Variants in NRG1 observed in about 807,000 individuals in gnomAD.
NRG1 encodes the protein neuregulin 1, also known as pro-neuregulin-1, membrane-bound isoform.
A neutral mutation model predicts 63.8 loss-of-function variants in NRG1; 18 were observed. The ratio of observed to expected loss-of-function variants is 0.28; its 90% CI spans 0.19 to 0.42. The LOEUF (loss-of-function observed/expected upper bound fraction) is 0.42, where lower values mean the gene tolerates loss of function less well. Ranked by LOEUF, NRG1 falls within the 10% of genes least tolerant of loss-of-function variation. NRG1 has a pLI of 1.00. For missense variants in NRG1, 762 were observed against 814.7 expected, an observed-to-expected ratio of 0.94 and a Z score of 0.79; for synonymous variants, 302 against 301.3, an observed-to-expected ratio of 1.00 and a Z score of -0.02.
chr8:32,755,572 T>G (rs1829528097), intron 8 of NRG1, among the ~76,000 whole-genome samples: 1 of 152,004 alleles, frequency 6.6e-6, no homozygotes, highest in Non-Finnish European at 1.5e-5. Flanking sequence ...GTTACCAGAG[T>G]AGGAACATGT....
intron 1 of NRG1, among the ~76,000 whole-genome samples, chr8:32,464,084 C>T (rs563206018): frequency 2.0e-5 from 3 of 151,002 alleles, no homozygotes; most frequent in South Asian, 2.1e-4. Context: ...TTAGTAGAGA[C>T]GGAGTTTCAC....
chr8:32,644,881 G>T (rs1853182609), intron 5 of NRG1, among the ~76,000 whole-genome samples: 1 of 151,078 alleles, frequency 6.6e-6, no homozygotes, highest in South Asian at 2.1e-4. Flanking sequence ...GTAAGTTAAA[G>T]ACCACTTTTC....
intron 1 of NRG1, among the ~76,000 whole-genome samples, chr8:31,666,992 T>G (rs1175962019): frequency 6.6e-6 from 1 of 152,198 alleles, no homozygotes; most frequent in Non-Finnish European, 1.5e-5. Flanking sequence ...TATAACTATT[T>G]AGCAGATAAG....
chr8:31,723,703 C>A (rs140291516), intron 1 of NRG1, among the ~76,000 whole-genome samples: 1 of 152,260 alleles, frequency 6.6e-6, no homozygotes, highest in African/African-American at 2.4e-5. Context: ...TCATCATTAT[C>A]TCTTTGGAGT....
intron 1 of NRG1, among the ~76,000 whole-genome samples, chr8:32,478,627 C>T (rs1003032843): frequency 2.6e-5 from 4 of 152,060 alleles, no homozygotes; most frequent in Admixed American, 6.6e-5. Context: ...CAATCAACTA[C>T]GAAATGAGTA....
At chr8:31,809,741 G>GTTTTTTTTTTTTTTTTTTTTTTT (rs753730069) in intron 1 of NRG1, among the ~76,000 whole-genome samples, 2 of 68,018 alleles carry the variant, frequency 2.9e-5, no homozygotes, top group Non-Finnish European at 2.6e-5. Context: ...TCTATTAATT[G>GTTTTTTTTTTTTTTTTTTTTTTT]TTTTTTTTTT....
At chr8:32,560,149 C>G (rs1408567904) in intron 1 of NRG1, among the ~76,000 whole-genome samples, 1 of 151,654 alleles carries the variant, frequency 6.6e-6, no homozygotes, top group Non-Finnish European at 1.5e-5. Flanking sequence ...ACCTTATTTT[C>G]TATAATACAG....
intron 1 of NRG1, among the ~76,000 whole-genome samples, chr8:31,894,916 G>A (rs918636985): frequency 6.6e-6 from 1 of 151,822 alleles, no homozygotes; most frequent in Admixed American, 6.6e-5. Context: ...TCCAGCCTTT[G>A]CAATCAGGAA....
intron 1 of NRG1, among the ~76,000 whole-genome samples, chr8:32,162,759 T>C (rs1249736082): frequency 6.6e-6 from 1 of 152,228 alleles, no homozygotes; most frequent in Non-Finnish European, 1.5e-5. Context: ...ATTTGTGCTA[T>C]CTACTGCTGT....
intron 1 of NRG1, among the ~76,000 whole-genome samples, chr8:31,750,739 G>C (rs1243240467): frequency 6.6e-6 from 1 of 151,826 alleles, no homozygotes; most frequent in South Asian, 2.1e-4. Context: ...TACTAAATGA[G>C]CATTGCCTAA....
intron 1 of NRG1, among the ~76,000 whole-genome samples, chr8:32,043,225 T>C (rs1820381666): frequency 6.6e-6 from 1 of 151,672 alleles, no homozygotes; most frequent in Non-Finnish European, 1.5e-5. Context: ...TGGAGAAAAA[T>C]CTATTTAAAT....
intron 1 of NRG1, among the ~76,000 whole-genome samples, chr8:32,195,947 T>C (rs987321390): frequency 3.3e-5 from 5 of 152,028 alleles, no homozygotes; most frequent in Non-Finnish European, 7.4e-5. Flanking sequence ...GTCAGATGAG[T>C]GAAGAGGTTG....
chr8:32,261,647 G>C (rs1850387693), intron 1 of NRG1, among the ~76,000 whole-genome samples: 1 of 151,982 alleles, frequency 6.6e-6, no homozygotes, highest in Non-Finnish European at 1.5e-5. Flanking sequence ...AGGGAGTGAG[G>C]ACCAACAGTT....
At chr8:31,642,187 C>T (rs1803861018) in intron 1 of NRG1, among the ~76,000 whole-genome samples, 1 of 151,930 alleles carries the variant, frequency 6.6e-6, no homozygotes, top group Non-Finnish European at 1.5e-5. Context: ...ATTAGGCAAC[C>T]GAAAAGCTCA....
chr8:32,222,707 C>G (rs557489022), intron 1 of NRG1, among the ~76,000 whole-genome samples: 1 of 152,286 alleles, frequency 6.6e-6, no homozygotes, highest in Admixed American at 6.5e-5. Context: ...TCACATGTGG[C>G]TCTCAGAGCT....
chr8:32,503,728 C>T (rs555875860), intron 1 of NRG1, among the ~76,000 whole-genome samples: 2 of 152,252 alleles, frequency 1.3e-5, no homozygotes, highest in Admixed American at 1.3e-4. Flanking sequence ...TTACATCTTG[C>T]CTCCTTAGAA....
intron 1 of NRG1, among the ~76,000 whole-genome samples, chr8:32,464,279 A>ACCCCCCC (rs144963557): frequency 5.8e-5 from 5 of 86,636 alleles, no homozygotes; most frequent in Admixed American, 1.4e-4. Context: ...ACTTATCCCC[A>ACCCCCCC]CCCCCCCCCA....
At chr8:31,747,681 G>A (rs1816029955) in intron 1 of NRG1, among the ~76,000 whole-genome samples, 1 of 151,918 alleles carries the variant, frequency 6.6e-6, no homozygotes, top group Admixed American at 6.6e-5. Flanking sequence ...CCTTGGCCAT[G>A]TTAGTTGGCT....
intron 1 of NRG1, among the ~76,000 whole-genome samples, chr8:32,358,383 A>C (rs1401790448): frequency 6.6e-6 from 1 of 151,758 alleles, no homozygotes; most frequent in Non-Finnish European, 1.5e-5. Flanking sequence ...AAAAAAAAAA[A>C]AAAAAAAACC....
Sources: gnomAD v4.1 joint callset for allele counts (sites outside exome capture counted in the v4.1 genomes callset) on GRCh38, gnomAD v4.1.1 for gene constraint, MANE v1.5 for transcripts, NCBI Gene and HGNC (gene_info 2026-07-23, HGNC 2026-07-21) for gene names.